The following TCF4 variants were observed in gnomAD, a reference collection of about 807,000 sequenced individuals.
TCF4 encodes the protein transcription factor 4, also known as SL3-3 enhancer factor 2.
Under a neutral mutation model 82.1 loss-of-function variants are expected in TCF4, and 3 were observed. The observed-to-expected ratio is 0.04, with a 90% confidence interval of 0.02 to 0.09. TCF4 has a LOEUF of 0.09. Ranked by LOEUF, TCF4 falls within the 10% of genes least tolerant of loss-of-function variation. The pLI, the probability that TCF4 is intolerant of heterozygous loss-of-function variation, is 1.00. For missense variants in TCF4, 518 were observed against 852.7 expected (o/e 0.61, Z 4.89); for synonymous variants, 276 against 309.6 (o/e 0.89, Z 1.14).
intron 3 of TCF4, among the ~76,000 whole-genome samples, chr18:55,487,509 T>C (rs1019694732): frequency 2.0e-5 from 3 of 152,164 alleles, no homozygotes; most frequent in Non-Finnish European, 4.4e-5. Context: ...TTCAGAATCT[T>C]TGTCACAAAA....
At chr18:55,436,094 G>A (rs2095323811) in intron 5 of TCF4, among the ~76,000 whole-genome samples, 2 of 152,162 alleles carry the variant, frequency 1.3e-5, no homozygotes, top group Non-Finnish European at 2.9e-5. Flanking sequence ...CATGATACAA[G>A]TCAAATAAGC....
intron 2 of TCF4, among the ~76,000 whole-genome samples, chr18:55,622,060 C>A (rs1387862306): frequency 7.4e-6 from 1 of 134,354 alleles, no homozygotes; most frequent in Non-Finnish European, 1.5e-5. Flanking sequence ...AATATATATA[C>A]ACTGTATATA....
intron 5 of TCF4, among the ~76,000 whole-genome samples, chr18:55,447,358 G>A (rs1385688267): frequency 1.3e-5 from 2 of 151,810 alleles, no homozygotes; most frequent in South Asian, 2.1e-4. Context: ...TCCCTGATAT[G>A]TATGCAACAA....
intron 8 of TCF4, chr18:55,322,380 G>A (rs2075797656): frequency 1.0e-6 from 1 of 980,404 alleles, no homozygotes; most frequent in African/African-American, 1.9e-5. Flanking sequence ...GTACGCAGCT[G>A]CCTGAGAACT....
chr18:55,598,942 A>G (rs1053569084), intron 2 of TCF4, among the ~76,000 whole-genome samples: 3 of 152,230 alleles, frequency 2.0e-5, no homozygotes, highest in African/African-American at 7.2e-5. Flanking sequence ...CTCTAGACGG[A>G]GATAGCTGTT....
intron 5 of TCF4, among the ~76,000 whole-genome samples, chr18:55,418,003 ATGTGTGTGTGTGTGTGTGTGTGTG>A (rs201657057): frequency 7.0e-6 from 1 of 143,386 alleles, no homozygotes; most frequent in Non-Finnish European, 1.5e-5. Context: ...TCTTGAGCAA[ATGTGTGTGTGTGTGTGTGTGTGTG>A]TGTGTGTGTG....
At chr18:55,380,740 G>A (rs1463913918) in intron 6 of TCF4, among the ~76,000 whole-genome samples, 3 of 152,184 alleles carry the variant, frequency 2.0e-5, no homozygotes, top group Admixed American at 2.0e-4. Flanking sequence ...TCCCACTGTG[G>A]TCAATCTCAA....
chr18:55,420,653 A>C (rs886933109), intron 5 of TCF4, among the ~76,000 whole-genome samples: 2 of 152,172 alleles, frequency 1.3e-5, no homozygotes, highest in Admixed American at 6.5e-5. Context: ...ACTAACAGTA[A>C]ATTTATCAAA....
At chr18:55,571,410 T>C (rs900064736) in intron 3 of TCF4, among the ~76,000 whole-genome samples, 1 of 152,164 alleles carries the variant, frequency 6.6e-6, no homozygotes, top group East Asian at 1.9e-4. Context: ...TGAGAATGTT[T>C]CTCTCTGGCA....
intron 1 of TCF4, 83 bp downstream of exon 1, chr18:55,587,955 A>C (rs953893928): frequency 2.1e-6 from 2 of 932,004 alleles, no homozygotes. Context: ...GGAGGCGCGG[A>C]GCCGCGTGCG....
intron 2 of TCF4, among the ~76,000 whole-genome samples, chr18:55,622,904 T>TGTGC (rs61170906): frequency 6.9e-6 from 1 of 144,588 alleles, no homozygotes; most frequent in Admixed American, 7.0e-5. Context: ...TGTGTGTGTG[T>TGTGC]TGTGGAGATG....
intron 2 of TCF4, among the ~76,000 whole-genome samples, chr18:55,621,943 CTATA>C (rs10566897): frequency 8.8e-6 from 1 of 113,776 alleles, no homozygotes; most frequent in Non-Finnish European, 1.6e-5. Context: ...TATATATACA[CTATA>C]TATATTATAT....
upstream of TCF4, among the ~76,000 whole-genome samples, chr18:55,592,074 GTTATAC>G (rs2097686124): frequency 6.6e-6 from 1 of 152,124 alleles, no homozygotes; most frequent in Non-Finnish European, 1.5e-5. Flanking sequence ...GTCACAGAAT[GTTATAC>G]TTAGAAGATT....
At chr18:55,229,389 AT>A (rs1398729151) in intron 17 of TCF4, 2 of 420,814 alleles carry the variant, frequency 4.8e-6, no homozygotes, top group Non-Finnish European at 8.9e-6. Context: ...AGCTTTTTTT[AT>A]TCAATGGGGT....
rs1285629380 is a variant in TCF4 at position 55,254,780 on chromosome 18, A to G, written c.1147-80T>C. The G allele has an allele frequency of 7.2e-6, 9 of 1,250,558 alleles. No homozygotes were observed. In the Admixed American group the frequency reaches 1.8e-4, roughly 25 times the overall value. 77.5% of individuals were successfully genotyped at this position (1,250,558 alleles called of 1,614,324 possible). Reference sequence around the variant, plus strand: ...TTATACAAGTAAAATTTTAGTCGACAAAAAACACACTGTGTTTCTAAATAC... The same window carrying G: ...TTATACAAGTAAAATTTTAGTCGACGAAAAACACACTGTGTTTCTAAATAC... On this transcript the variant is annotated intron_variant, in intron 14 of 19. Transcript: ENST00000354452.
At chr18:55,564,126 C>T (rs560813746) in intron 3 of TCF4, among the ~76,000 whole-genome samples, 1 of 152,158 alleles carries the variant, frequency 6.6e-6, no homozygotes, top group Admixed American at 6.5e-5. Context: ...GAATCAGCCA[C>T]GCAGAGTGAG....
chr18:55,356,541 C>G (rs192689388), intron 6 of TCF4, among the ~76,000 whole-genome samples: 2 of 151,990 alleles, frequency 1.3e-5, no homozygotes, highest in African/African-American at 4.8e-5. Flanking sequence ...TAGGTAAGAT[C>G]AAAACTAGTT....
intron 6 of TCF4, among the ~76,000 whole-genome samples, chr18:55,372,576 A>G (rs1351139911): frequency 6.6e-6 from 1 of 152,188 alleles, no homozygotes; most frequent in Non-Finnish European, 1.5e-5. Context: ...TAGAAAATGC[A>G]AAGACTCTGA....
chr18:55,589,051 C>A (rs1305587209), upstream of TCF4, among the ~76,000 whole-genome samples: 2 of 151,846 alleles, frequency 1.3e-5, no homozygotes, highest in South Asian at 4.2e-4. Context: ...TAATAACAAG[C>A]GTGCTTTATC....
Sources: gnomAD v4.1 joint callset for allele counts (sites outside exome capture counted in the v4.1 genomes callset) on GRCh38, gnomAD v4.1.1 for gene constraint, MANE v1.5 for transcripts, NCBI Gene and HGNC (gene_info 2026-07-23, HGNC 2026-07-21) for gene names.